SGCD: variants seen among roughly 807,000 people sequenced by gnomAD.
SGCD encodes the protein delta-sarcoglycan.
In SGCD, 18 loss-of-function variants were observed where a neutral mutation model predicts 36.6. That is an observed-to-expected ratio of 0.49 (90% CI 0.34 to 0.73). The LOEUF (loss-of-function observed/expected upper bound fraction) is 0.73. SGCD is among the 30% of genes least tolerant of loss of function. The pLI is 0.01. For synonymous variants in SGCD, 133 were observed against 130.6 expected (o/e 1.02, Z -0.12); for missense variants, 387 against 346.7 (o/e 1.12, Z -0.92).
the SGCD span, among the ~76,000 whole-genome samples, chr5:155,729,746 T>C: frequency 6.6e-6 from 1 of 152,336 alleles, no homozygotes; most frequent in African/African-American, 2.4e-5. Context: ...CTCCCTGCTC[T>C]CAGGCCCTAT....
intron 6 of SGCD, among the ~76,000 whole-genome samples, chr5:156,641,302 C>T (rs1190737077): frequency 6.6e-6 from 1 of 152,040 alleles, no homozygotes; most frequent in Non-Finnish European, 1.5e-5. Flanking sequence ...CAGATTGTAG[C>T]CATGTTTACT....
At chr5:155,766,279 CA>C in the SGCD span, among the ~76,000 whole-genome samples, 1 of 152,150 alleles carries the variant, frequency 6.6e-6, no homozygotes, top group African/African-American at 2.4e-5. Context: ...TACACTTGAA[CA>C]GCTCACACAG....
the SGCD span, among the ~76,000 whole-genome samples, chr5:155,761,360 T>C: frequency 8.6e-6 from 1 of 115,674 alleles, no homozygotes; most frequent in Non-Finnish European, 1.8e-5. Context: ...CATCATCCTC[T>C]CCATCATCCT....
chr5:156,479,009 G>A (rs954834168), intron 3 of SGCD, among the ~76,000 whole-genome samples: 14 of 152,314 alleles, frequency 9.2e-5, no homozygotes, highest in African/African-American at 3.4e-4. Flanking sequence ...GATCTTGTCA[G>A]TGTTGGGAGG....
intron 1 of SGCD, among the ~76,000 whole-genome samples, chr5:156,003,436 A>G (rs746429206): frequency 2.6e-5 from 4 of 152,218 alleles, no homozygotes; most frequent in Non-Finnish European, 5.9e-5. Context: ...CTCAGCATCA[A>G]TTCTGATGGA....
At chr5:156,433,115 C>G (rs1753093935) in intron 3 of SGCD, among the ~76,000 whole-genome samples, 1 of 152,130 alleles carries the variant, frequency 6.6e-6, no homozygotes, top group Non-Finnish European at 1.5e-5. Context: ...TTGTGACTTA[C>G]AACAAATATA....
the SGCD span, among the ~76,000 whole-genome samples, chr5:155,783,954 C>G: frequency 6.5e-4 from 99 of 152,294 alleles, no homozygotes; most frequent in African/African-American, 2.2e-3. Flanking sequence ...CTCATGATGT[C>G]CACTGTATGG....
intron 3 of SGCD, among the ~76,000 whole-genome samples, chr5:156,283,978 T>A: frequency 6.6e-6 from 1 of 152,194 alleles, no homozygotes; most frequent in Non-Finnish European, 1.5e-5. Flanking sequence ...GAATTGTTAA[T>A]TTGTGTATGT....
At chr5:156,001,685 C>A (rs779992669) in intron 1 of SGCD, among the ~76,000 whole-genome samples, 1 of 151,860 alleles carries the variant, frequency 6.6e-6, no homozygotes, top group Non-Finnish European at 1.5e-5. Flanking sequence ...GTTTTTTTGG[C>A]CAGAGAAATT....
In SGCD at chr5:155,882,249, A is replaced by G. The variant is rs540141343; in HGVS notation, c.-282+11825A>G. Among the ~76,000 whole-genome samples the G allele has an allele frequency of 2.0e-5, 3 of 150,686 alleles. No individual in the cohort carries two copies. The South Asian group carries it at 6.3e-4, about 31-fold the overall frequency. ...TGGGTCTACACCTGACTTTTTTTTA[A>G]AAAACTTTTTATAGAGATGGAGTCT... is the stretch of plus-strand genomic sequence containing the variant. On this transcript the variant is annotated intron_variant, in intron 1 of 9. Coordinates refer to the SGCD transcript ENST00000517913.
At position 156,052,323 on chromosome 5, in the gene SGCD, C is replaced by A. The variant is rs968520677; in HGVS notation, c.-281-65555C>A. Among the ~76,000 whole-genome samples, 4 of 146,022 alleles carry A rather than the reference C, an allele frequency of 2.7e-5. 1 individual carries two copies. Among genetic ancestry groups the A allele is most frequent in the South Asian group, 2.2e-4 (1 of 4,596 alleles). On this transcript the variant is annotated intron_variant, in intron 1 of 9. Coordinates refer to the SGCD transcript ENST00000517913. ...GTGTGTTCAAGTGGTAGGACAGAAG[C>A]CATTGTGGCTGGAATATTACAGATG...
At chr5:156,335,905 G>A (rs1020168606) in intron 2 of SGCD, among the ~76,000 whole-genome samples, 2 of 152,190 alleles carry the variant, frequency 1.3e-5, no homozygotes, top group Admixed American at 1.3e-4. Context: ...GACGATTGCA[G>A]TAGTCGCGGG....
At chr5:156,269,856 G>T (rs559546006) in intron 3 of SGCD, among the ~76,000 whole-genome samples, 23 of 152,268 alleles carry the variant, frequency 1.5e-4, no homozygotes, top group African/African-American at 5.1e-4. Context: ...TTGTTTTGCT[G>T]TTCAGAAACT....
chr5:156,005,664 A>G (rs545410301), intron 1 of SGCD, among the ~76,000 whole-genome samples: 79 of 152,256 alleles, frequency 5.2e-4, no homozygotes, highest in Middle Eastern at 6.8e-3. Flanking sequence ...GTTAGCCAGG[A>G]TGGTCTCTGT....
intron 1 of SGCD, among the ~76,000 whole-genome samples, chr5:155,989,644 A>C (rs1024442420): frequency 2.6e-5 from 4 of 152,210 alleles, no homozygotes; most frequent in African/African-American, 9.6e-5. Flanking sequence ...CCGAATTCAA[A>C]AGCAATGAAA....
At chr5:156,396,846 T>A (rs1771879274) in intron 3 of SGCD, among the ~76,000 whole-genome samples, 1 of 152,174 alleles carries the variant, frequency 6.6e-6, no homozygotes, top group African/African-American at 2.4e-5. Context: ...CTATTTCGAA[T>A]AATTGAGGTG....
rs138776713 is a variant in SGCD, at chr5:156,687,653, C to G, written c.575+40117C>G. Among the ~76,000 whole-genome samples, 111 of 152,338 alleles carry G rather than the reference C, an allele frequency of 7.3e-4. No homozygotes were observed. The East Asian group carries it at 7.9e-3, about 11-fold the overall frequency. ...TCCGCCAGGAAAATGTGTAACGCTT[C>G]CATTCACTGACCCTCCTTTCCCTCC... is the stretch of plus-strand genomic sequence containing the variant. On this transcript the variant is annotated intron_variant, in intron 7 of 8. Transcript: ENST00000337851.
At chr5:156,263,101 T>C (rs187534002) in intron 3 of SGCD, among the ~76,000 whole-genome samples, 72 of 152,232 alleles carry the variant, frequency 4.7e-4, no homozygotes, top group Non-Finnish European at 7.1e-4. Context: ...TGTAATGACT[T>C]ATTTTCCTCT....
intron 3 of SGCD, among the ~76,000 whole-genome samples, chr5:156,216,823 C>T (rs1032229542): frequency 4.6e-5 from 7 of 152,116 alleles, no homozygotes; most frequent in Non-Finnish European, 8.8e-5. Flanking sequence ...TCACGCCTGT[C>T]ATCCCAGCAC....
Sources: allele counts gnomAD v4.1 joint callset (sites outside exome capture counted in the v4.1 genomes callset), GRCh38; gene constraint gnomAD v4.1.1; transcripts MANE v1.5; gene names NCBI Gene and HGNC (gene_info 2026-07-23, HGNC 2026-07-21).